Variants in DTNB observed in about 807,000 individuals in gnomAD.
DTNB encodes dystrobrevin beta, also known as DTN-B.
In DTNB, 63 loss-of-function variants were observed where a neutral mutation model predicts 90.7. The observed-to-expected ratio is 0.69, with a 90% CI of 0.57 to 0.86. DTNB has a LOEUF of 0.86. Ranked by LOEUF, DTNB falls within the 40% of genes least tolerant of loss-of-function variation. The pLI, the probability that DTNB is intolerant of heterozygous loss-of-function variation, is 0.00. For synonymous variants in DTNB, 277 were observed against 286.7 expected, an observed-to-expected ratio of 0.97 and a Z score of 0.34; for missense variants, 744 against 807.1, an observed-to-expected ratio of 0.92 and a Z score of 0.95.
intron 1 of DTNB, among the ~76,000 whole-genome samples, chr2:25,664,656 T>C (rs1253752475): frequency 6.6e-6 from 1 of 152,178 alleles, no homozygotes; most frequent in African/African-American, 2.4e-5. Context: ...TCATTTTACA[T>C]ACCTCCCACT....
intron 6 of DTNB, among the ~76,000 whole-genome samples, chr2:25,585,248 A>C (rs1432426040): frequency 6.6e-6 from 1 of 152,212 alleles, no homozygotes; most frequent in Non-Finnish European, 1.5e-5. Context: ...AGATATGAAT[A>C]CATCATCTGT....
intron 2 of DTNB, among the ~76,000 whole-genome samples, chr2:25,644,738 G>A (rs2079075615): frequency 6.6e-6 from 1 of 152,146 alleles, no homozygotes; most frequent in African/African-American, 2.4e-5. Flanking sequence ...CAGCCTGGGT[G>A]ACAAAGCGAG....
At chr2:25,555,391 G>C (rs1466207854) in intron 8 of DTNB, among the ~76,000 whole-genome samples, 2 of 147,420 alleles carry the variant, frequency 1.4e-5, no homozygotes, top group Admixed American at 1.4e-4. Context: ...TTCATAATAA[G>C]AAATTATATA....
intron 15 of DTNB, among the ~76,000 whole-genome samples, chr2:25,426,333 A>G (rs748576863): frequency 1.3e-5 from 2 of 152,210 alleles, no homozygotes; most frequent in African/African-American, 2.4e-5. Context: ...TCCACTGAGG[A>G]CTTGGATAGA....
chr2:25,580,611 G>A, intron 7 of DTNB, 110 bp downstream of exon 7: 1 of 1,057,686 alleles, frequency 9.5e-7, no homozygotes, highest in Non-Finnish European at 1.4e-6. Context: ...CAGAATGACA[G>A]CAAATGTCAA....
intron 1 of DTNB, among the ~76,000 whole-genome samples, chr2:25,654,073 T>C (rs899824992): frequency 5.3e-5 from 8 of 152,160 alleles, no homozygotes; most frequent in African/African-American, 1.7e-4. Context: ...ATTTTACAAA[T>C]GAGGAAACAA....
chr2:25,607,205 G>A, intron 5 of DTNB, 31 bp downstream of exon 5: 1 of 1,548,502 alleles, frequency 6.5e-7, no homozygotes, highest in South Asian at 1.2e-5. Context: ...ATTTGAAAAT[G>A]GCATTTTTCA....
chr2:25,379,306 T>C lies in DTNB; in HGVS notation c.*13A>G, dbSNP rs1369157143. On this transcript the variant is annotated 3_prime_UTR_variant, in exon 20 of 21. Transcript: ENST00000406818. The stretch of plus-strand genomic sequence containing the variant: ...TGTACTCACCTGAGCTTCCTCTGTG[T>C]CCGGCTCCTCTGCTAACCTGTGGCA... 6.8e-6 allele frequency: 9 copies of C among 1,322,020 alleles called. No homozygotes were observed. The highest frequency in any genetic ancestry group is 8.8e-6 in the Non-Finnish European group (9 of 1,026,458). 81.9% of individuals were successfully genotyped at this position (1,322,020 alleles called of 1,614,324 possible). A position where few individuals can be genotyped will look rare whatever the true frequency, so the allele number is the denominator to read the frequency against.
intron 10 of DTNB, among the ~76,000 whole-genome samples, chr2:25,456,385 T>C (rs1356972666): frequency 6.6e-6 from 1 of 152,130 alleles, no homozygotes; most frequent in African/African-American, 2.4e-5. Flanking sequence ...CTAACACCAT[T>C]ATCACACCTA....
Position 25,526,395 on chromosome 2 carries a change from A to ATTTTTTTTT in DTNB, c.1001+5069_1001+5077dup, listed in dbSNP as rs1245672956. Among the ~76,000 whole-genome samples, 48 of 49,826 alleles carry ATTTTTTTTT rather than the reference A, an allele frequency of 9.6e-4. 2 individuals carry two copies. Among genetic ancestry groups the ATTTTTTTTT allele is most frequent in the African/African-American group, 4.5e-3 (46 of 10,252 alleles). The allele number at this position is 49,826 out of a possible 152,430, so 32.7% of individuals were successfully genotyped here. ...TATATATATATATATATATATATATATTTTTTTTTTTTTAATTGAGACAGA... is the reference window on the plus strand; with the variant it reads ...TATATATATATATATATATATATATATTTTTTTTTTTTTTTTTTTTTTAATTGAGACAGA... On this transcript the variant is annotated intron_variant, in intron 9 of 20. Transcript: ENST00000406818.
chr2:25,562,268 T>C (rs2058381301), intron 8 of DTNB, among the ~76,000 whole-genome samples: 1 of 152,206 alleles, frequency 6.6e-6, no homozygotes, highest in Non-Finnish European at 1.5e-5. Context: ...AGTACCTCAT[T>C]TCTTTTGCTT....
intron 11 of DTNB, among the ~76,000 whole-genome samples, chr2:25,453,168 T>C (rs1574654776): frequency 1.3e-5 from 2 of 152,158 alleles, no homozygotes; most frequent in South Asian, 2.1e-4. Context: ...ATACAATAGG[T>C]TCTTCTGTGC....
chr2:25,638,083 A>G (rs578093445), intron 3 of DTNB, among the ~76,000 whole-genome samples: 7 of 152,346 alleles, frequency 4.6e-5, no homozygotes, highest in Admixed American at 3.9e-4. Flanking sequence ...GCTGGAAGTC[A>G]TCATTCTCAG....
chr2:25,514,681 C>CTTT (rs560287104), intron 9 of DTNB, among the ~76,000 whole-genome samples: 331 of 98,804 alleles, frequency 3.4e-3, no homozygotes, highest in Non-Finnish European at 4.6e-3. Flanking sequence ...TGAAAAAAAT[C>CTTT]TTTTTTTTTT....
chr2:25,414,684 T>C (rs1225297033), intron 16 of DTNB, among the ~76,000 whole-genome samples: 2 of 152,226 alleles, frequency 1.3e-5, no homozygotes, highest in African/African-American at 4.8e-5. Flanking sequence ...CAATTATTAA[T>C]TCATACAGAG....
rs1377082761 is a variant in DTNB at position 25,377,863 on chromosome 2, A to G, written c.*30-310T>C. ...GTGTGCCGATGAATACTAAGAGGAA[A>G]GGGAGGAAGCCTCAGCCCCCGGCCA... is the stretch of plus-strand genomic sequence containing the variant. On this transcript the variant is annotated intron_variant, in intron 20 of 20. Coordinates refer to ENST00000406818, the MANE Select transcript of DTNB (RefSeq NM_021907.5). Among the ~76,000 whole-genome samples the G allele has an allele frequency of 2.0e-5, 3 of 152,272 alleles. No individual in the cohort carries two copies. The East Asian group carries it at 5.8e-4, about 29-fold the overall frequency.
intron 4 of DTNB, among the ~76,000 whole-genome samples, chr2:25,615,349 T>C (rs1016978917): frequency 1.3e-5 from 2 of 152,152 alleles, no homozygotes; most frequent in Admixed American, 6.5e-5. Context: ...ATTATATCTT[T>C]GGCCACTGGT....
chr2:25,483,074 AG>A (rs1402406190), intron 9 of DTNB, among the ~76,000 whole-genome samples: 1 of 150,592 alleles, frequency 6.6e-6, no homozygotes, highest in Non-Finnish European at 1.5e-5. Flanking sequence ...ACCCTTGGGG[AG>A]GGGGGTAGAA....
chr2:25,406,142 T>C (rs1297729804), intron 16 of DTNB, among the ~76,000 whole-genome samples: 1 of 152,064 alleles, frequency 6.6e-6, no homozygotes, highest in African/African-American at 2.4e-5. Flanking sequence ...ACCCTTCCGA[T>C]AGCCAAACCT....
Sources: gnomAD v4.1 joint callset for allele counts (sites outside exome capture counted in the v4.1 genomes callset) on GRCh38, gnomAD v4.1.1 for gene constraint, MANE v1.5 for transcripts, NCBI Gene and HGNC (gene_info 2026-07-23, HGNC 2026-07-21) for gene names.